The following MAPK10 variants were observed in gnomAD, a reference collection of about 807,000 sequenced individuals.
MAPK10 encodes JNK3 alpha protein kinase.
MAPK10 carries 25 observed loss-of-function variants against 59.3 expected under a neutral mutation model. That is an observed-to-expected ratio of 0.42 (90% CI 0.31 to 0.59). The LOEUF is 0.59. Ranked by LOEUF, MAPK10 falls within the 20% of genes least tolerant of loss-of-function variation. MAPK10 has a pLI of 0.15. For synonymous variants in MAPK10, 190 were observed against 200.5 expected, an observed-to-expected ratio of 0.95 and a Z score of 0.44; for missense variants, 351 against 568.9, an observed-to-expected ratio of 0.62 and a Z score of 3.90.
intron 2 of MAPK10, among the ~76,000 whole-genome samples, chr4:86,320,246 T>A (rs2095863508): frequency 6.6e-6 from 1 of 152,148 alleles, no homozygotes; most frequent in African/African-American, 2.4e-5. Context: ...TGAAAATATA[T>A]CTCCCAATCT....
intron 2 of MAPK10, among the ~76,000 whole-genome samples, chr4:86,251,265 G>A (rs970837477): frequency 1.3e-5 from 2 of 151,670 alleles, no homozygotes; most frequent in Admixed American, 6.6e-5. Flanking sequence ...ATGCTGGTGC[G>A]CTGCACCCAC....
rs2041258300 is a variant in MAPK10 at position 86,040,344 on chromosome 4, A to G, written c.1111-8913T>C. 2.6e-5 allele frequency among the ~76,000 whole-genome samples: 4 copies of G among 152,292 alleles called. 1 individual carries two copies. Among genetic ancestry groups the G allele is most frequent in the Admixed American group, 2.6e-4 (4 of 15,300 alleles). ...TTTTTCAAAGACAAAGAGAAATCCT[A>G]TTGCCGAATATAATGAATGAATGAA... On this transcript the variant is annotated intron_variant, in intron 11 of 13. Transcript: ENST00000641462.
chr4:86,273,472 A>C (rs1451690940), intron 2 of MAPK10, among the ~76,000 whole-genome samples: 1 of 152,026 alleles, frequency 6.6e-6, no homozygotes, highest in African/African-American at 2.4e-5. Flanking sequence ...AAGGTATTTT[A>C]GGAGAAACCA....
intron 2 of MAPK10, among the ~76,000 whole-genome samples, chr4:86,203,718 A>G (rs2083166613): frequency 1.3e-5 from 2 of 150,426 alleles, no homozygotes; most frequent in African/African-American, 4.9e-5. Flanking sequence ...GTGTTCTTGT[A>G]TCATACATAT....
intron 2 of MAPK10, among the ~76,000 whole-genome samples, chr4:86,330,370 TAAGGG>T (rs1285892113): frequency 6.6e-6 from 1 of 152,212 alleles, no homozygotes; most frequent in Non-Finnish European, 1.5e-5. Context: ...CTCTCACTCC[TAAGGG>T]AAGCCCTGGT....
intron 13 of MAPK10, among the ~76,000 whole-genome samples, chr4:86,021,661 G>A (rs1746986053): frequency 6.6e-6 from 1 of 152,266 alleles, no homozygotes; most frequent in Admixed American, 6.5e-5. Context: ...GCAGGGGGTG[G>A]TGCTCGTCGG....
At chr4:86,585,397 A>C (rs1762591092) in intron 1 of MAPK10, among the ~76,000 whole-genome samples, 1 of 152,178 alleles carries the variant, frequency 6.6e-6, no homozygotes, top group Non-Finnish European at 1.5e-5. Flanking sequence ...TCCTCAAGCT[A>C]TATGTTCCCT....
intron 9 of MAPK10, among the ~76,000 whole-genome samples, chr4:86,083,845 C>A (rs1379882292): frequency 1.3e-5 from 2 of 152,172 alleles, no homozygotes; most frequent in Admixed American, 1.3e-4. Context: ...CTTTGTCTTG[C>A]ATTTTGGATA....
chr4:86,445,016 C>A (rs1173197252), intron 1 of MAPK10, among the ~76,000 whole-genome samples: 1 of 152,110 alleles, frequency 6.6e-6, no homozygotes, highest in African/African-American at 2.4e-5. Flanking sequence ...TGTGGCGATT[C>A]CTGAAAGATC....
chr4:86,564,118 C>T (rs1366276754), intron 1 of MAPK10, among the ~76,000 whole-genome samples: 1 of 152,220 alleles, frequency 6.6e-6, no homozygotes, highest in Non-Finnish European at 1.5e-5. Context: ...AGGCATAAGC[C>T]ACCACGCCTG....
chr4:86,045,349 G>T (rs773857731), intron 11 of MAPK10, among the ~76,000 whole-genome samples: 3 of 151,836 alleles, frequency 2.0e-5, no homozygotes, highest in African/African-American at 7.3e-5. Context: ...TTCTTCATTC[G>T]TTCATTTAAC....
intron 4 of MAPK10, among the ~76,000 whole-genome samples, chr4:86,118,579 TACACACACACACACACAC>T (rs148000432): frequency 2.7e-5 from 4 of 146,356 alleles, no homozygotes; most frequent in South Asian, 4.4e-4. Flanking sequence ...TAAATACACA[TACACACACACACACACAC>T]ACACACACAC....
intron 2 of MAPK10, among the ~76,000 whole-genome samples, chr4:86,200,321 T>A (rs933949809): frequency 1.3e-5 from 2 of 151,986 alleles, no homozygotes; most frequent in Non-Finnish European, 2.9e-5. Flanking sequence ...ATGTGCCTTT[T>A]TTGGAAAATA....
At chr4:86,060,633 G>T (rs2045563822) in intron 11 of MAPK10, among the ~76,000 whole-genome samples, 1 of 151,952 alleles carries the variant, frequency 6.6e-6, no homozygotes, top group African/African-American at 2.4e-5. Context: ...TCTTCCAACA[G>T]GGCACAAGGA....
chr4:86,574,607 G>A (rs1240876632), intron 1 of MAPK10, among the ~76,000 whole-genome samples: 2 of 152,196 alleles, frequency 1.3e-5, no homozygotes, highest in Non-Finnish European at 2.9e-5. Context: ...TCTAACTGGT[G>A]TGAGATGGTA....
intron 1 of MAPK10, among the ~76,000 whole-genome samples, chr4:86,575,035 C>T (rs1444498883): frequency 6.6e-6 from 1 of 152,100 alleles, no homozygotes; most frequent in Non-Finnish European, 1.5e-5. Flanking sequence ...AAATAGATTG[C>T]CCTTCCCAGT....
At chr4:86,149,084 G>A (rs962111245) in intron 4 of MAPK10, among the ~76,000 whole-genome samples, 3 of 152,078 alleles carry the variant, frequency 2.0e-5, no homozygotes, top group Non-Finnish European at 4.4e-5. Context: ...TCATTCCATT[G>A]TTCCCAAATT....
At chr4:86,168,377 C>T (rs372701774) in intron 3 of MAPK10, among the ~76,000 whole-genome samples, 17 of 152,236 alleles carry the variant, frequency 1.1e-4, no homozygotes, top group South Asian at 2.1e-4. Flanking sequence ...GCTTTTCCAA[C>T]GGGCTTAAAA....
At chr4:86,086,287 T>C (rs541115840) in intron 9 of MAPK10, among the ~76,000 whole-genome samples, 5 of 152,034 alleles carry the variant, frequency 3.3e-5, no homozygotes, top group Non-Finnish European at 7.4e-5. Flanking sequence ...TGGGGATGGT[T>C]AACGGCTAAA....
Sources: gnomAD v4.1 joint callset for allele counts (sites outside exome capture counted in the v4.1 genomes callset) on GRCh38, gnomAD v4.1.1 for gene constraint, MANE v1.5 for transcripts, NCBI Gene and HGNC (gene_info 2026-07-23, HGNC 2026-07-21) for gene names.